Variants in CYP2C18 observed in about 807,000 individuals in gnomAD.
CYP2C18 encodes cytochrome P450 2C18.
In CYP2C18, 38 loss-of-function variants were observed where a neutral mutation model predicts 41.3. That is an observed-to-expected ratio of 0.92 (90% CI 0.71 to 1.21). CYP2C18 has a LOEUF of 1.21. Among genes scored for constraint, CYP2C18 ranks in the 50% most tolerant of loss-of-function variants. The pLI is 0.00. For synonymous variants in CYP2C18, 236 were observed against 210.0 expected (o/e 1.12, Z -1.07); for missense variants, 635 against 591.4 (o/e 1.07, Z -0.77).
At chr10:94,693,362 A>G (rs913027598) in intron 3 of CYP2C18, among the ~76,000 whole-genome samples, 2 of 152,056 alleles carry the variant, frequency 1.3e-5, no homozygotes, top group African/African-American at 4.8e-5. Flanking sequence ...TGTGAGTGAA[A>G]GCTCCTGTTT....
intron 6 of CYP2C18, among the ~76,000 whole-genome samples, chr10:94,722,046 G>A (rs934038423): frequency 1.3e-5 from 2 of 152,098 alleles, no homozygotes; most frequent in African/African-American, 4.8e-5. Context: ...CTGGATCAAA[G>A]GGTAGTTCTA....
chr10:94,688,817 A>G (rs1279292534), intron 3 of CYP2C18, among the ~76,000 whole-genome samples: 1 of 152,188 alleles, frequency 6.6e-6, no homozygotes, highest in Non-Finnish European at 1.5e-5. Context: ...TGTTTTTCCC[A>G]AAGTGTAATT....
chr10:94,699,191 G>A (rs1179982584), intron 4 of CYP2C18, among the ~76,000 whole-genome samples: 1 of 152,126 alleles, frequency 6.6e-6, no homozygotes, highest in African/African-American at 2.4e-5. Flanking sequence ...GAGAACTTTA[G>A]ACCAATATCC....
At chr10:94,733,695 T>G in intron 8 of CYP2C18, 1 of 654,596 alleles carries the variant, frequency 1.5e-6, no homozygotes, top group Non-Finnish European at 1.9e-6. Flanking sequence ...TGCCTCTAGA[T>G]ACATCACTGA....
At chr10:94,685,282 C>T (rs866836595) in intron 1 of CYP2C18, among the ~76,000 whole-genome samples, 1 of 152,084 alleles carries the variant, frequency 6.6e-6, no homozygotes, top group African/African-American at 2.4e-5. Flanking sequence ...AATCCACCCA[C>T]CTTTGTCTCT....
At chr10:94,697,309 G>A (rs1421236532) in intron 4 of CYP2C18, among the ~76,000 whole-genome samples, 2 of 152,206 alleles carry the variant, frequency 1.3e-5, no homozygotes, top group African/African-American at 2.4e-5. Context: ...AGCTAGAAGA[G>A]AATGGGGGCC....
At chr10:94,706,081 T>A (rs1847338001) in intron 4 of CYP2C18, among the ~76,000 whole-genome samples, 1 of 152,148 alleles carries the variant, frequency 6.6e-6, no homozygotes, top group South Asian at 2.1e-4. Context: ...AAGTTCTGAA[T>A]AGGATAGGGG....
At chr10:94,716,601 C>A (rs533384773) in intron 5 of CYP2C18, among the ~76,000 whole-genome samples, 1 of 152,170 alleles carries the variant, frequency 6.6e-6, no homozygotes, top group Non-Finnish European at 1.5e-5. Flanking sequence ...TTAATTCCAA[C>A]TATGTGGTCA....
intron 4 of CYP2C18, among the ~76,000 whole-genome samples, chr10:94,700,050 G>A (rs1011336199): frequency 2.6e-5 from 4 of 152,100 alleles, no homozygotes; most frequent in African/African-American, 4.8e-5. Context: ...CGGCCATACT[G>A]CCCAAGGTAA....
intron 5 of CYP2C18, among the ~76,000 whole-genome samples, chr10:94,708,952 A>G (rs1847388077): frequency 6.6e-6 from 1 of 152,098 alleles, no homozygotes; most frequent in African/African-American, 2.4e-5. Flanking sequence ...TGGCTATATC[A>G]TATTTTATAT....
chr10:94,709,266 C>G (rs1190094545), intron 5 of CYP2C18, among the ~76,000 whole-genome samples: 1 of 152,126 alleles, frequency 6.6e-6, no homozygotes, highest in East Asian at 1.9e-4. Flanking sequence ...TCCACTTTCT[C>G]CACAACCTTG....
chr10:94,693,185 A>G (rs570322195), intron 3 of CYP2C18, among the ~76,000 whole-genome samples: 2 of 152,270 alleles, frequency 1.3e-5, no homozygotes, highest in South Asian at 2.1e-4. Context: ...AATCCCCCAT[A>G]TTGGAGGTGG....
intron 7 of CYP2C18, among the ~76,000 whole-genome samples, chr10:94,729,524 G>C (rs549864107): frequency 9.8e-4 from 149 of 152,132 alleles, no homozygotes; most frequent in Non-Finnish European, 1.8e-3. Context: ...TCCCTTCAAA[G>C]CTTCAAGGAA....
At chr10:94,717,892 T>G (rs554187662) in intron 5 of CYP2C18, among the ~76,000 whole-genome samples, 58 of 152,256 alleles carry the variant, frequency 3.8e-4, no homozygotes, top group African/African-American at 1.3e-3. Flanking sequence ...ATGTGATGCC[T>G]CCAGCTTTCT....
At chr10:94,701,217 A>C (rs1402815775) in intron 4 of CYP2C18, among the ~76,000 whole-genome samples, 1 of 152,152 alleles carries the variant, frequency 6.6e-6, no homozygotes, top group East Asian at 1.9e-4. Context: ...TTGGAACCAC[A>C]CCAAATATCC....
At chr10:94,700,503 C>T (rs1847216612) in intron 4 of CYP2C18, among the ~76,000 whole-genome samples, 1 of 152,182 alleles carries the variant, frequency 6.6e-6, no homozygotes, top group Admixed American at 6.5e-5. Context: ...AAATGTTAGA[C>T]CTAAAACCAT....
intron 4 of CYP2C18, among the ~76,000 whole-genome samples, chr10:94,703,373 G>A (rs1051263732): frequency 6.6e-6 from 1 of 152,208 alleles, no homozygotes; most frequent in Non-Finnish European, 1.5e-5. Flanking sequence ...CTAGGAAGAG[G>A]TGGTTTTATC....
At chr10:94,727,014 CG>C (rs1299469519) in intron 7 of CYP2C18, among the ~76,000 whole-genome samples, 1 of 151,842 alleles carries the variant, frequency 6.6e-6, no homozygotes, top group African/African-American at 2.4e-5. Flanking sequence ...TATTGAGCAC[CG>C]GAAGTGTAAT....
chr10:94,716,243 C>G lies in CYP2C18; in HGVS notation c.820-4153C>G, dbSNP rs867700326. On this transcript the variant is annotated intron_variant, in intron 5 of 8. Transcript: ENST00000285979. The stretch of plus-strand genomic sequence containing the variant: ...CTGCTAGCTTTTGAATGGGTTTGCT[C>G]TTGCTTCTCTAGTTCTTTTAATTGT... Among the ~76,000 whole-genome samples, 94 of 152,220 alleles carry G rather than the reference C, an allele frequency of 6.2e-4. 1 individual carries two copies. Among genetic ancestry groups the G allele is most frequent in the Admixed American group, 4.6e-4 (7 of 15,284 alleles).
Sources: gnomAD v4.1 joint callset for allele counts (sites outside exome capture counted in the v4.1 genomes callset) on GRCh38, gnomAD v4.1.1 for gene constraint, MANE v1.5 for transcripts, NCBI Gene and HGNC (gene_info 2026-07-23, HGNC 2026-07-21) for gene names.